Variants in POU2F1 observed in about 807,000 individuals in gnomAD.
POU2F1 encodes POU domain, class 2, transcription factor 1.
In POU2F1, 16 loss-of-function variants were observed where a neutral mutation model predicts 84.9. The ratio of observed to expected loss-of-function variants is 0.19; its 90% confidence interval spans 0.13 to 0.29. The LOEUF is 0.29. Among genes scored for constraint, POU2F1 ranks in the 10% least tolerant of loss-of-function variants. The probability of loss-of-function intolerance (pLI) is 1.00; values close to 1 mark genes in which losing one functional copy is unlikely to be tolerated. For synonymous variants in POU2F1, 368 were observed against 368.3 expected (o/e 1.00, Z 0.01); for missense variants, 738 against 942.6 (o/e 0.78, Z 2.84).
chr1:167,226,237 C>G (rs1012213271), intron 1 of POU2F1, among the ~76,000 whole-genome samples: 2 of 152,242 alleles, frequency 1.3e-5, no homozygotes, highest in East Asian at 1.9e-4. Flanking sequence ...ATTTCTGTAC[C>G]CTTTCTGCAT....
rs764138190 is a variant in POU2F1, at chr1:167,399,299, CCCA to C, written c.1387_1389del (p.Pro463del). The C allele has an allele frequency of 1.7e-5, 27 of 1,613,940 alleles. 1 individual carries two copies. Among genetic ancestry groups the C allele is most frequent in the Non-Finnish European group, 5.1e-6 (6 of 1,179,990 alleles). On this transcript the variant is annotated inframe_deletion, in exon 12 of 16. Coordinates refer to ENST00000367866, the MANE Select transcript of POU2F1 (RefSeq NM_002697.4). The stretch of plus-strand genomic sequence containing the variant: ...GCCGCCAGAAAGAAAAAAGAATCAA[CCCA>C]CCAAGCAGTGGTGGGACCAGCAGCT...
At chr1:167,261,549 T>C (rs1446720635) in intron 1 of POU2F1, among the ~76,000 whole-genome samples, 1 of 152,242 alleles carries the variant, frequency 6.6e-6, no homozygotes, top group Non-Finnish European at 1.5e-5. Context: ...TGCCTCTTCC[T>C]GCCCTCTAGC....
intron 2 of POU2F1, among the ~76,000 whole-genome samples, chr1:167,347,414 A>AG (rs1658273271): frequency 6.6e-6 from 1 of 152,226 alleles, no homozygotes; most frequent in South Asian, 2.1e-4. Flanking sequence ...ATTTCATAAC[A>AG]GATCATAAGC....
chr1:167,314,211 A>C (rs553016624), intron 1 of POU2F1, among the ~76,000 whole-genome samples: 8 of 149,518 alleles, frequency 5.4e-5, no homozygotes, highest in South Asian at 4.2e-4. Context: ...AAAAAAAAAA[A>C]AACAAAACTT....
chr1:167,317,407 G>A (rs977856010), intron 1 of POU2F1, among the ~76,000 whole-genome samples: 4 of 152,182 alleles, frequency 2.6e-5, no homozygotes, highest in South Asian at 2.1e-4. Context: ...ACCCAGTGGC[G>A]CTAGAGGAAT....
At chr1:167,354,393 G>A (rs1420658929) in intron 2 of POU2F1, among the ~76,000 whole-genome samples, 1 of 152,154 alleles carries the variant, frequency 6.6e-6, no homozygotes, top group Non-Finnish European at 1.5e-5. Flanking sequence ...CCGGGTTCAA[G>A]CAATTCTCCT....
At chr1:167,254,000 G>A (rs1234919346) in intron 1 of POU2F1, among the ~76,000 whole-genome samples, 1 of 152,186 alleles carries the variant, frequency 6.6e-6, no homozygotes, top group Non-Finnish European at 1.5e-5. Context: ...TGACTAGAGT[G>A]TAGAATGGAA....
At chr1:167,410,969 T>C (rs1649920066) in intron 13 of POU2F1, among the ~76,000 whole-genome samples, 1 of 152,244 alleles carries the variant, frequency 6.6e-6, no homozygotes, top group Non-Finnish European at 1.5e-5. Flanking sequence ...TAGTCATTTA[T>C]ATCCAAATGT....
intron 1 of POU2F1, among the ~76,000 whole-genome samples, chr1:167,279,203 A>T (rs989096292): frequency 2.0e-5 from 3 of 152,362 alleles, no homozygotes; most frequent in African/African-American, 4.8e-5. Flanking sequence ...AACTGATGAG[A>T]TATAGCAAAC....
intron 1 of POU2F1, among the ~76,000 whole-genome samples, chr1:167,323,047 C>G (rs1346305059): frequency 6.6e-6 from 1 of 152,178 alleles, no homozygotes; most frequent in Non-Finnish European, 1.5e-5. Flanking sequence ...GGGGGCCTGT[C>G]TATGGCCAGA....
intron 2 of POU2F1, among the ~76,000 whole-genome samples, chr1:167,364,382 T>C (rs987641924): frequency 6.7e-6 from 1 of 149,118 alleles, no homozygotes; most frequent in Non-Finnish European, 1.5e-5. Flanking sequence ...TACAAAAAAT[T>C]AGCCGGGCGT....
In POU2F1 at chr1:167,426,158, C is replaced by T. The variant is rs1650936563; in HGVS notation, c.*10348C>T. On this transcript the variant is annotated 3_prime_UTR_variant, in exon 16 of 16. Coordinates refer to ENST00000367866, the MANE Select transcript of POU2F1 (RefSeq NM_002697.4). ...GAACCTTAGACTCGTGTATTAAGTACGATTACCCAGCACTTGCATTAGTCT... is the reference window on the plus strand; with the variant it reads ...GAACCTTAGACTCGTGTATTAAGTATGATTACCCAGCACTTGCATTAGTCT... 6.6e-6 allele frequency: 1 copy of T among 151,942 alleles called. No individual in the cohort carries two copies. Among genetic ancestry groups the T allele is most frequent in the African/African-American group, 2.4e-5 (1 of 41,330 alleles). The allele number at this position is 151,942 out of a possible 1,614,324, so 9.4% of individuals were successfully genotyped here. A position where few individuals can be genotyped will look rare whatever the true frequency, so the allele number is the denominator to read the frequency against.
At chr1:167,222,492 T>C (rs900251624) in intron 1 of POU2F1, among the ~76,000 whole-genome samples, 88 of 152,254 alleles carry the variant, frequency 5.8e-4, no homozygotes, top group African/African-American at 1.9e-3. Flanking sequence ...ATTTTTTTTT[T>C]CCTTGGCAAT....
At chr1:167,356,988 T>A (rs550889455) in intron 2 of POU2F1, among the ~76,000 whole-genome samples, 2 of 152,308 alleles carry the variant, frequency 1.3e-5, no homozygotes, top group South Asian at 4.1e-4. Flanking sequence ...ATTTTGTCTC[T>A]TAATGCACAT....
intron 2 of POU2F1, among the ~76,000 whole-genome samples, chr1:167,349,433 G>A (rs988833963): frequency 3.3e-5 from 5 of 151,942 alleles, no homozygotes; most frequent in African/African-American, 1.2e-4. Context: ...GCATTTATTT[G>A]TATCTGATAT....
At chr1:167,389,826 G>A (rs1557950616) in intron 9 of POU2F1, 65 bp downstream of exon 9, 4 of 1,528,534 alleles carry the variant, frequency 2.6e-6, no homozygotes, top group South Asian at 2.4e-5. Context: ...TTGGCTCTCT[G>A]TATTCATGGA....
At chr1:167,318,092 G>A (rs1349569070) in intron 1 of POU2F1, among the ~76,000 whole-genome samples, 1 of 152,170 alleles carries the variant, frequency 6.6e-6, no homozygotes, top group Non-Finnish European at 1.5e-5. Context: ...ACGTGTGCCT[G>A]GGATGCTTTA....
chr1:167,257,882 C>T (rs1199490219), intron 1 of POU2F1: 2 of 151,222 alleles, frequency 1.3e-5, no homozygotes, highest in Non-Finnish European at 2.9e-5. Context: ...TCAAGTGATT[C>T]TTCCTCCTCA....
intron 1 of POU2F1, among the ~76,000 whole-genome samples, chr1:167,327,631 C>G (rs1454748853): frequency 6.6e-6 from 1 of 152,178 alleles, no homozygotes; most frequent in Non-Finnish European, 1.5e-5. Flanking sequence ...TTCTGTGTAT[C>G]TGTACACACC....
Sources: allele counts gnomAD v4.1 joint callset (sites outside exome capture counted in the v4.1 genomes callset), GRCh38; gene constraint gnomAD v4.1.1; transcripts MANE v1.5; gene names NCBI Gene and HGNC (gene_info 2026-07-23, HGNC 2026-07-21).